MTA3: variants seen among roughly 807,000 people sequenced by gnomAD.
The protein encoded by MTA3 is metastasis-associated protein MTA3.
Under a neutral mutation model 83.5 loss-of-function variants are expected in MTA3, and 34 were observed. That is an observed-to-expected ratio of 0.41 (90% CI 0.31 to 0.54). MTA3 has a LOEUF of 0.54. Ranked by LOEUF, MTA3 falls within the 20% of genes least tolerant of loss-of-function variation. The pLI, the probability that MTA3 is intolerant of heterozygous loss-of-function variation, is 0.33. For missense variants in MTA3, 761 were observed against 726.4 expected (o/e 1.05, Z -0.55); for synonymous variants, 303 against 252.7 (o/e 1.20, Z -1.89).
intron 2 of MTA3, among the ~76,000 whole-genome samples, chr2:42,577,135 A>T (rs2374419): frequency 0.053 from 4,902 of 93,138 alleles, 380 homozygotes; most frequent in African/African-American, 0.13. Context: ...TATATATATA[A>T]AAATGAACTC....
intron 9 of MTA3, 107 bp from the exon 10 acceptor site, chr2:42,695,658 A>AG (rs1558591509): frequency 4.1e-6 from 2 of 486,110 alleles, no homozygotes; most frequent in Non-Finnish European, 6.8e-6. Context: ...AAAAAAAAAA[A>AG]AAAGAAAGTG....
chr2:42,659,974 GAC>G, intron 8 of MTA3, 112 bp downstream of exon 8: 1 of 616,136 alleles, frequency 1.6e-6, no homozygotes, highest in East Asian at 3.6e-5. Flanking sequence ...TAGCCTTCCT[GAC>G]TGCTAGGTTG....
chr2:42,536,774 G>A (rs1338517141), intron 2 of MTA3, among the ~76,000 whole-genome samples: 3 of 150,054 alleles, frequency 2.0e-5, no homozygotes, highest in Non-Finnish European at 4.4e-5. Context: ...CAGGAGAATG[G>A]CGTGAACCCG....
intron 8 of MTA3, among the ~76,000 whole-genome samples, chr2:42,676,536 C>T (rs908396034): frequency 3.3e-5 from 5 of 152,304 alleles, no homozygotes; most frequent in Admixed American, 3.3e-4. Flanking sequence ...GAGGCCAAGA[C>T]AGGCAGATCG....
In MTA3 at chr2:42,755,790, G is replaced by C. The variant is rs1261426234; in HGVS notation, c.*2391G>C. 1 of 985,396 alleles carries C rather than the reference G, an allele frequency of 1.0e-6. No homozygotes were observed. The highest frequency in any genetic ancestry group is 1.2e-6 in the Non-Finnish European group (1 of 830,010). 61.0% of individuals were successfully genotyped at this position (985,396 alleles called of 1,614,324 possible). A position where few individuals can be genotyped will look rare whatever the true frequency, so the allele number is the denominator to read the frequency against. Reference sequence around the variant, plus strand: ...GTCACTGTGGTTCAGTGAGCACATGGGTGGACGTGCAGAGACTGTCTGCGC... The same window carrying C: ...GTCACTGTGGTTCAGTGAGCACATGCGTGGACGTGCAGAGACTGTCTGCGC... On this transcript the variant is annotated 3_prime_UTR_variant, in exon 17 of 17. Coordinates refer to ENST00000405094, the MANE Select transcript of MTA3 (RefSeq NM_001330442.2).
At chr2:42,726,404 T>C (rs1393077466) in intron 16 of MTA3, among the ~76,000 whole-genome samples, 1 of 151,970 alleles carries the variant, frequency 6.6e-6, no homozygotes, top group East Asian at 1.9e-4. Context: ...GTGCACAATG[T>C]GCAGGTTAGT....
rs1295781209 is a variant in MTA3 at position 42,602,446 on chromosome 2, C to T, written c.191-7012C>T. Among the ~76,000 whole-genome samples, 3 of 152,172 alleles carry T rather than the reference C, an allele frequency of 2.0e-5. 1 individual carries two copies. In the South Asian group the frequency reaches 6.2e-4, roughly 31 times the overall value. Reference sequence around the variant, plus strand: ...TTGTTGGTTCATGTGGTGGAAGAAACTTGTCACAGAAATTTTACTTCAGTA... The same window carrying T: ...TTGTTGGTTCATGTGGTGGAAGAAATTTGTCACAGAAATTTTACTTCAGTA... On this transcript the variant is annotated intron_variant, in intron 3 of 16. Transcript: ENST00000405094.
chr2:42,563,394 A>G (rs898374627), intron 2 of MTA3, among the ~76,000 whole-genome samples: 6 of 151,924 alleles, frequency 3.9e-5, no homozygotes, highest in Non-Finnish European at 7.4e-5. Context: ...GTCTCAAACT[A>G]CTGACTTCAG....
At chr2:42,554,432 T>C (rs911627704) in intron 2 of MTA3, among the ~76,000 whole-genome samples, 2 of 152,200 alleles carry the variant, frequency 1.3e-5, no homozygotes, top group Non-Finnish European at 2.9e-5. Context: ...TATTTCCTTT[T>C]CTTTCCTAAA....
chr2:42,548,813 ATATATATATATATATAATATAT>A lies in MTA3; in HGVS notation c.-140-21623_-140-21602del, dbSNP rs1676884982. ...GTGAGACCCTGTCTCAAAAAAAAAT[ATATATATATATATATAATATAT>A]ATATATATATAATATATATATATAA... On this transcript the variant is annotated intron_variant, in intron 2 of 17. Transcript: ENST00000405592. 5.5e-5 allele frequency among the ~76,000 whole-genome samples: 2 copies of A among 36,658 alleles called. 1 individual carries two copies. 24.0% of individuals were successfully genotyped at this position (36,658 alleles called of 152,430 possible). A position where few individuals can be genotyped will look rare whatever the true frequency, so the allele number is the denominator to read the frequency against.
At position 42,739,387 on chromosome 2, in the gene MTA3, A is replaced by G. The variant is rs928059570; in HGVS notation, c.1760-13987A>G. ...TATACTGTAGTCTATTAAGTGTGCA[A>G]TAGCATTATGTATAAAATAACAATG... On this transcript the variant is annotated intron_variant, in intron 16 of 16. Coordinates refer to ENST00000405094, the MANE Select transcript of MTA3 (RefSeq NM_001330442.2). Among the ~76,000 whole-genome samples the G allele has an allele frequency of 4.6e-5, 7 of 152,318 alleles. No individual in the cohort carries two copies. The East Asian group carries it at 1.3e-3, about 29-fold the overall frequency.
chr2:42,601,784 A>G (rs923934511), intron 3 of MTA3, among the ~76,000 whole-genome samples: 1 of 152,092 alleles, frequency 6.6e-6, no homozygotes, highest in African/African-American at 2.4e-5. Flanking sequence ...GGTTCAAGTA[A>G]TTCTCCTGCA....
intron 4 of MTA3, among the ~76,000 whole-genome samples, chr2:42,624,735 A>G (rs1401193606): frequency 6.6e-6 from 1 of 152,196 alleles, no homozygotes; most frequent in African/African-American, 2.4e-5. Context: ...CTGGTATGAA[A>G]TTCATAATTT....
intron 3 of MTA3, among the ~76,000 whole-genome samples, chr2:42,604,866 C>G (rs1432527518): frequency 6.7e-6 from 1 of 149,066 alleles, no homozygotes; most frequent in Admixed American, 6.7e-5. Context: ...CCTGAGTGGA[C>G]ACAGCACATG....
At chr2:42,637,943 A>G (rs1024365126) in intron 4 of MTA3, among the ~76,000 whole-genome samples, 17 of 152,214 alleles carry the variant, frequency 1.1e-4, no homozygotes, top group African/African-American at 4.1e-4. Context: ...TCAAGGGACT[A>G]TTAAAGACAG....
intron 3 of MTA3, among the ~76,000 whole-genome samples, chr2:42,606,276 G>A (rs1250850348): frequency 8.7e-5 from 13 of 149,384 alleles, no homozygotes; most frequent in Admixed American, 2.0e-4. Context: ...GGTGGCTGCC[G>A]GGCGGAGACG....
intron 6 of MTA3, 146 bp downstream of exon 6, chr2:42,644,390 A>T (rs76286154): frequency 1.9e-6 from 1 of 540,052 alleles, no homozygotes; most frequent in Middle Eastern, 3.8e-4. Flanking sequence ...TGTAAAAAAT[A>T]AAAAATAAAT....
chr2:42,637,005 A>G (rs78167188), intron 4 of MTA3, among the ~76,000 whole-genome samples: 4,788 of 152,260 alleles, frequency 0.031, 126 homozygotes, highest in South Asian at 0.083. Flanking sequence ...TACGTTTTTC[A>G]GTCTGTAGGA....
chr2:42,719,036 G>A lies in MTA3; in HGVS notation c.1574G>A (p.Ser525Asn). The A allele has an allele frequency of 1.9e-6, 3 of 1,550,448 alleles. No homozygotes were observed. Among genetic ancestry groups the A allele is most frequent in the Non-Finnish European group, 2.6e-6 (3 of 1,146,896 alleles). Residue 525 changes from serine to asparagine, a missense_variant, in exon 15 of 17, where the codon AGC (serine) becomes AAC (asparagine). Physicochemically the swap from Ser to Asn is conservative, Grantham distance 46. Transcript: ENST00000405094. ...TCTGGAAGTCCACTGAAAAGCAAAA[G>A]CACTAGGAAGCCTTTGGCATGTATC... Reference protein sequence around the residue: ...ELSGSPLKSKSTRKPLACIIG... With the variant: ...ELSGSPLKSKNTRKPLACIIG...
Sources: gnomAD v4.1 joint callset for allele counts (sites outside exome capture counted in the v4.1 genomes callset) on GRCh38, gnomAD v4.1.1 for gene constraint, MANE v1.5 for transcripts, NCBI Gene and HGNC (gene_info 2026-07-23, HGNC 2026-07-21) for gene names.